The following THAP2 variants were observed in gnomAD, a reference collection of about 807,000 sequenced individuals.
THAP2 encodes THAP domain containing 2.
Under a neutral mutation model 18.8 loss-of-function variants are expected in THAP2, and 16 were observed. That is an observed-to-expected ratio of 0.85 (90% CI 0.58 to 1.29). The LOEUF is 1.29. Among genes scored for constraint, THAP2 ranks in the 50% most tolerant of loss-of-function variants. THAP2 has a pLI of 0.00. For synonymous variants in THAP2, 80 were observed against 89.2 expected (o/e 0.90, Z 0.58); for missense variants, 251 against 265.3 (o/e 0.95, Z 0.38).
chr12:71,664,391 C>G lies in THAP2; in HGVS notation c.-119C>G, dbSNP rs1003872290. On this transcript the variant is annotated 5_prime_UTR_variant, in exon 1 of 3. Coordinates refer to ENST00000308086, the MANE Select transcript of THAP2 (RefSeq NM_031435.4). ...ACCCCTTCTTCCCACTCCGCTCTCA[C>G]GACTAAGCTCTCACGATTAAGGCAC... The G allele has an allele frequency of 1.3e-5, 16 of 1,258,082 alleles. No homozygotes were observed. The African/African-American group carries it at 2.4e-4, about 19-fold the overall frequency. The allele number at this position is 1,258,082 out of a possible 1,614,324, so 77.9% of individuals were successfully genotyped here.
At chr12:71,675,000 A>G (rs1356388951) in intron 2 of THAP2, among the ~76,000 whole-genome samples, 2 of 152,110 alleles carry the variant, frequency 1.3e-5, no homozygotes, top group Non-Finnish European at 2.9e-5. Flanking sequence ...AATGAAGCAA[A>G]AAAAAGTAAA....
At chr12:71,668,659 C>T (rs927040331) in intron 1 of THAP2, among the ~76,000 whole-genome samples, 2 of 152,136 alleles carry the variant, frequency 1.3e-5, no homozygotes, top group African/African-American at 4.8e-5. Context: ...TATTTTGTTT[C>T]CTACTGTGTC....
chr12:71,676,656 T>A, intron 2 of THAP2, 33 bp from the exon 3 acceptor site: 1 of 1,540,256 alleles, frequency 6.5e-7, no homozygotes, highest in Non-Finnish European at 8.7e-7. Context: ...ATTTCATAAT[T>A]TATGTTCAAC....
chr12:71,676,747 C>G lies in THAP2; in HGVS notation c.326C>G (p.Ser109Cys). Residue 109 changes from serine to cysteine, a missense_variant, in exon 3 of 3, where the codon TCT (serine) becomes TGT (cysteine). By Grantham distance (112) the Ser-to-Cys change is moderately radical (BLOSUM62 -1). Coordinates refer to ENST00000308086, the MANE Select transcript of THAP2 (RefSeq NM_031435.4). ...KNNSCSPAGP[S>C]NLKSNISSQQ... ...AACAGTTGTTCTCCAGCTGGACCATCTAATTTAAAATCAAACATTAGTAGT... is the reference window on the plus strand; with the variant it reads ...AACAGTTGTTCTCCAGCTGGACCATGTAATTTAAAATCAAACATTAGTAGT... 6.2e-7 allele frequency: 1 copy of G among 1,608,296 alleles called. No individual in the cohort carries two copies. Among genetic ancestry groups the G allele is most frequent in the Non-Finnish European group, 8.5e-7 (1 of 1,177,872 alleles).
At chr12:71,664,650 A>C (rs1349410528) in intron 1 of THAP2, 70 bp downstream of exon 1, 3 of 1,552,218 alleles carry the variant, frequency 1.9e-6, no homozygotes, top group Middle Eastern at 3.4e-4. Context: ...GTGTGGAAGG[A>C]ACAGGAGGAT....
chr12:71,664,433 C>T lies in THAP2; in HGVS notation c.-77C>T. On this transcript the variant is annotated 5_prime_UTR_variant, in exon 1 of 3. Transcript: ENST00000308086. Reference sequence around the variant, plus strand: ...TTAAGGCACGCCTGCCTCGATTGTCCAGCCTCTGCCAGAAGAAAGCTTAGC... The same window carrying T: ...TTAAGGCACGCCTGCCTCGATTGTCTAGCCTCTGCCAGAAGAAAGCTTAGC... 7 of 1,578,700 alleles carry T rather than the reference C, an allele frequency of 4.4e-6. No individual in the cohort carries two copies. The highest frequency in any genetic ancestry group is 4.4e-6 in the Non-Finnish European group (5 of 1,148,778).
chr12:71,669,983 C>A (rs933973373), intron 1 of THAP2, among the ~76,000 whole-genome samples: 1 of 149,064 alleles, frequency 6.7e-6, no homozygotes. Context: ...ACTCTATTTT[C>A]TTGTAAAATA....
Position 71,674,372 on chromosome 12 carries a change from G to C in THAP2, c.241G>C (p.Asp81His). The change falls in exon 2 of 3, where the codon GAT becomes CAT. Residue 81 changes from aspartate to histidine, a missense_variant. Transcript: ENST00000308086. ...AATGGATGCTGTTCCAACCATTTTT[G>C]ATTTTTGTACCCATATAAAGTCTAT... ...LKMDAVPTIF[D>H]FCTHIKSMKL... 1 of 1,609,776 alleles carries C rather than the reference G, an allele frequency of 6.2e-7. No individual in the cohort carries two copies. Among genetic ancestry groups the C allele is most frequent in the Non-Finnish European group, 8.5e-7 (1 of 1,177,408 alleles).
At chr12:71,664,625 T>C (rs1428939140) in intron 1 of THAP2, 45 bp downstream of exon 1, 1 of 1,605,768 alleles carries the variant, frequency 6.2e-7, no homozygotes. Flanking sequence ...GGAGTTCCTA[T>C]TGTGGCTATC....
intron 1 of THAP2, among the ~76,000 whole-genome samples, chr12:71,668,725 A>G (rs1565839850): frequency 6.6e-6 from 1 of 152,230 alleles, no homozygotes; most frequent in Non-Finnish European, 1.5e-5. Flanking sequence ...ATTATTGAAG[A>G]TGCACACAGA....
In THAP2 at chr12:71,664,378, C is replaced by G; in HGVS notation, c.-132C>G. The G allele has an allele frequency of 9.3e-7, 1 of 1,076,396 alleles. No individual in the cohort carries two copies. The highest frequency in any genetic ancestry group is 1.4e-6 in the Non-Finnish European group (1 of 710,904). The allele number at this position is 1,076,396 out of a possible 1,614,324, so 66.7% of individuals were successfully genotyped here. A position where few individuals can be genotyped will look rare whatever the true frequency, so the allele number is the denominator to read the frequency against. Reference sequence around the variant, plus strand: ...CCCCCACATACACACCCCTTCTTCCCACTCCGCTCTCACGACTAAGCTCTC... The same window carrying G: ...CCCCCACATACACACCCCTTCTTCCGACTCCGCTCTCACGACTAAGCTCTC... On this transcript the variant is annotated 5_prime_UTR_variant, in exon 1 of 3. Transcript: ENST00000308086.
In THAP2 at chr12:71,664,382, C is replaced by T. The variant is rs1261189680; in HGVS notation, c.-128C>T. On this transcript the variant is annotated 5_prime_UTR_variant, in exon 1 of 3. Coordinates refer to ENST00000308086, the MANE Select transcript of THAP2 (RefSeq NM_031435.4). Reference sequence around the variant, plus strand: ...CACATACACACCCCTTCTTCCCACTCCGCTCTCACGACTAAGCTCTCACGA... The same window carrying T: ...CACATACACACCCCTTCTTCCCACTTCGCTCTCACGACTAAGCTCTCACGA... 8.8e-7 allele frequency: 1 copy of T among 1,132,050 alleles called. No homozygotes were observed. The highest frequency in any genetic ancestry group is 1.5e-5 in the African/African-American group (1 of 65,420). 70.1% of individuals were successfully genotyped at this position (1,132,050 alleles called of 1,614,324 possible). A position where few individuals can be genotyped will look rare whatever the true frequency, so the allele number is the denominator to read the frequency against.
At position 71,664,421 on chromosome 12, in the gene THAP2, G is replaced by T; in HGVS notation, c.-89G>T. 6.5e-7 allele frequency: 1 copy of T among 1,532,056 alleles called. No homozygotes were observed. The highest frequency in any genetic ancestry group is 1.1e-5 in the South Asian group (1 of 89,332). The allele number at this position is 1,532,056 out of a possible 1,614,324, so 94.9% of individuals were successfully genotyped here. A position where few individuals can be genotyped will look rare whatever the true frequency, so the allele number is the denominator to read the frequency against. ...AAGCTCTCACGATTAAGGCACGCCT[G>T]CCTCGATTGTCCAGCCTCTGCCAGA... is the stretch of plus-strand genomic sequence containing the variant. On this transcript the variant is annotated 5_prime_UTR_variant, in exon 1 of 3. Coordinates refer to ENST00000308086, the MANE Select transcript of THAP2 (RefSeq NM_031435.4).
At chr12:71,669,528 A>G (rs1881398293) in intron 1 of THAP2, among the ~76,000 whole-genome samples, 1 of 152,238 alleles carries the variant, frequency 6.6e-6, no homozygotes. Flanking sequence ...TGACAAGAAG[A>G]AATGTGTTTA....
At chr12:71,665,163 A>C (rs1490274017) in intron 1 of THAP2, 1 of 545,086 alleles carries the variant, frequency 1.8e-6, no homozygotes, top group Non-Finnish European at 3.2e-6. Context: ...TGGAAGAAAA[A>C]TCAAAATTCT....
In THAP2 at chr12:71,680,505, C is replaced by T. The variant is rs1592615029; in HGVS notation, c.*3397C>T. ...ATATAGGAAATGGTTCATCTTTGTA[C>T]CAAAATATTGCATTCTTCTGATATT... is the stretch of plus-strand genomic sequence containing the variant. On this transcript the variant is annotated 3_prime_UTR_variant, in exon 3 of 3. Transcript: ENST00000308086. 1 of 152,320 alleles carries T rather than the reference C, an allele frequency of 6.6e-6. No individual in the cohort carries two copies. Among genetic ancestry groups the T allele is most frequent in the Non-Finnish European group, 1.5e-5 (1 of 67,966 alleles). 9.4% of individuals were successfully genotyped at this position (152,320 alleles called of 1,614,324 possible).
At chr12:71,670,762 A>C (rs1881422816) in intron 1 of THAP2, among the ~76,000 whole-genome samples, 1 of 151,858 alleles carries the variant, frequency 6.6e-6, no homozygotes, top group Non-Finnish European at 1.5e-5. Flanking sequence ...AACATGGTGA[A>C]ACCCCGTCTC....
At chr12:71,672,731 A>ATC (rs1006625677) in intron 1 of THAP2, among the ~76,000 whole-genome samples, 7 of 152,204 alleles carry the variant, frequency 4.6e-5, no homozygotes, top group African/African-American at 1.7e-4. Flanking sequence ...ATATATATAT[A>ATC]TCTCAAGCAA....
At position 71,679,734 on chromosome 12, in the gene THAP2, G is replaced by C. The variant is rs1209550667; in HGVS notation, c.*2626G>C. The C allele has an allele frequency of 6.6e-6, 1 of 152,128 alleles. No homozygotes were observed. The highest frequency in any genetic ancestry group is 6.6e-5 in the Admixed American group (1 of 15,262). The allele number at this position is 152,128 out of a possible 1,614,324, so 9.4% of individuals were successfully genotyped here. On this transcript the variant is annotated 3_prime_UTR_variant, in exon 3 of 3. Transcript: ENST00000308086. Reference sequence around the variant, plus strand: ...GTAAAGTCCTTTGGTAAATGCTGTTGAATTGGAATTCAGTAAGAACTATAA... The same window carrying C: ...GTAAAGTCCTTTGGTAAATGCTGTTCAATTGGAATTCAGTAAGAACTATAA...
Sources: allele counts gnomAD v4.1 joint callset (sites outside exome capture counted in the v4.1 genomes callset), GRCh38; gene constraint gnomAD v4.1.1; transcripts MANE v1.5; gene names NCBI Gene and HGNC (gene_info 2026-07-23, HGNC 2026-07-21).